AGAP1: variants seen among roughly 807,000 people sequenced by gnomAD.
The protein encoded by AGAP1 is arf-GAP with GTPase, ANK repeat and PH domain-containing protein 1.
A neutral mutation model predicts 105.3 loss-of-function variants in AGAP1; 29 were observed. The observed-to-expected ratio is 0.28, with a 90% CI of 0.21 to 0.38. The LOEUF is 0.38. Ranked by LOEUF, AGAP1 falls within the 10% of genes least tolerant of loss-of-function variation. The pLI is 1.00. For missense variants in AGAP1, 998 were observed against 1,165.1 expected (o/e 0.86, Z 2.09); for synonymous variants, 509 against 485.9 (o/e 1.05, Z -0.63).
rs1267629841 is a variant in AGAP1 at position 235,700,487 on chromosome 2, A to T, written c.164-8692A>T. Among the ~76,000 whole-genome samples, 1 of 152,154 alleles carries T rather than the reference A, an allele frequency of 6.6e-6. No homozygotes were observed. The highest frequency in any genetic ancestry group is 2.4e-5 in the African/African-American group (1 of 41,430). ...GAGGGGTATTATGAGGCACTCAGGA[A>T]TGCTTTTGAAGAAACTGTAATGAAA... is the stretch of plus-strand genomic sequence containing the variant. On this transcript the variant is annotated intron_variant, in intron 1 of 17. Transcript: ENST00000304032. The surrounding 1 kb of genome is among the most constrained non-coding windows in gnomAD (Gnocchi z 6.1).
intron 1 of AGAP1, among the ~76,000 whole-genome samples, chr2:235,594,643 C>T (rs906940900): frequency 1.3e-5 from 2 of 152,178 alleles, no homozygotes; most frequent in African/African-American, 4.8e-5. Context: ...GATGTGATCT[C>T]GGCTCGCTGC....
rs547221820 is a variant in AGAP1, at chr2:235,592,520, C to CGGCTTGT, written c.163+97675_163+97681dup. On this transcript the variant is annotated intron_variant, in intron 1 of 17. Coordinates refer to ENST00000304032, the MANE Select transcript of AGAP1 (RefSeq NM_001037131.3). ...TCATTTAGGGCTGACTCCGGGCTTG[C>CGGCTTGT]GGCTTGTGGCATGAGCTCTTGGAGG... Among the ~76,000 whole-genome samples the CGGCTTGT allele has an allele frequency of 8.7e-4, 132 of 152,224 alleles. No homozygotes were observed. In the East Asian group the frequency reaches 0.02, roughly 23 times the overall value.
intron 12 of AGAP1, 93 bp from the exon 13 acceptor site, chr2:235,968,369 G>A (rs528073929): frequency 1.9e-5 from 28 of 1,448,846 alleles, no homozygotes; most frequent in Middle Eastern, 5.1e-4. Flanking sequence ...TGGTATGAGA[G>A]GAGCGTGGCT....
chr2:235,583,553 ATTTT>A (rs763297542), intron 1 of AGAP1, among the ~76,000 whole-genome samples: 3 of 128,450 alleles, frequency 2.3e-5, no homozygotes, highest in South Asian at 2.5e-4. Flanking sequence ...TACCTGGCTA[ATTTT>A]TTTTTTTTTT....
In AGAP1 at chr2:236,123,582, T is replaced by C. The variant is rs34124418; in HGVS notation, c.2371-337T>C. On this transcript the variant is annotated intron_variant, in intron 17 of 17. Transcript: ENST00000304032. This position sits in a 1 kb window ranked among gnomAD's most constrained non-coding sequence, Gnocchi z 4.6. ...TTATGTGTTATTTGTGTATTTCCTATAATGAAAATTCTGAGATCAAAACAA... is the reference window on the plus strand; with the variant it reads ...TTATGTGTTATTTGTGTATTTCCTACAATGAAAATTCTGAGATCAAAACAA... Among the ~76,000 whole-genome samples, 19,589 of 152,194 alleles carry C rather than the reference T, an allele frequency of 0.13. 1,694 individuals are homozygous for C. Among genetic ancestry groups the C allele is most frequent in the Middle Eastern group, 0.2 (59 of 294 alleles).
In AGAP1 at chr2:235,792,102, C is replaced by T. The variant is rs533943527; in HGVS notation, c.674-5657C>T. Among the ~76,000 whole-genome samples, 23 of 152,246 alleles carry T rather than the reference C, an allele frequency of 1.5e-4. No individual in the cohort carries two copies. Among genetic ancestry groups the T allele is most frequent in the Admixed American group, 1.0e-3 (16 of 15,298 alleles). On this transcript the variant is annotated intron_variant, in intron 6 of 17. Coordinates refer to ENST00000304032, the MANE Select transcript of AGAP1 (RefSeq NM_001037131.3). The surrounding 1 kb of genome is among the most constrained non-coding windows in gnomAD (Gnocchi z 5.3). The stretch of plus-strand genomic sequence containing the variant: ...CAGTGCTTACTCGGAATTGCTCCCC[C>T]GCCTCCCAAGTTACTGGCCTCACTG...
Position 235,957,649 on chromosome 2 carries a change from A to G in AGAP1, c.1484-10813A>G, listed in dbSNP as rs1434828299. On this transcript the variant is annotated intron_variant, in intron 12 of 17. Transcript: ENST00000304032. The surrounding 1 kb of genome is among the most constrained non-coding windows in gnomAD (Gnocchi z 4.6). ...CACACTCACCTTTTAACAGAGACCC[A>G]GGATGTTGTGATTTCCTTGGATGGC... 5.9e-5 allele frequency among the ~76,000 whole-genome samples: 9 copies of G among 152,242 alleles called. No individual in the cohort carries two copies. The East Asian group carries it at 1.7e-3, about 29-fold the overall frequency.
intron 1 of AGAP1, among the ~76,000 whole-genome samples, chr2:235,510,260 C>T (rs1942016390): frequency 6.6e-6 from 1 of 152,222 alleles, no homozygotes; most frequent in South Asian, 2.1e-4. Context: ...TTCCACGAAA[C>T]CGGTCCCTGA....
At position 235,514,183 on chromosome 2, in the gene AGAP1, CAT is replaced by C. The variant is rs141414295; in HGVS notation, c.163+19336_163+19337del. On this transcript the variant is annotated intron_variant, in intron 1 of 17. Transcript: ENST00000304032. ...GCGCGCACACACACACACACACACA[CAT>C]ACCTCCTCTCAGAGAATGTTGATGT... is the stretch of plus-strand genomic sequence containing the variant. Among the ~76,000 whole-genome samples the C allele has an allele frequency of 3.3e-3, 497 of 148,558 alleles. 2 individuals carry two copies. The highest frequency in any genetic ancestry group is 0.012 in the African/African-American group (468 of 40,554).
At position 235,959,105 on chromosome 2, in the gene AGAP1, G is replaced by T. The variant is rs1330682991; in HGVS notation, c.1484-9357G>T. On this transcript the variant is annotated intron_variant, in intron 12 of 17. Coordinates refer to ENST00000304032, the MANE Select transcript of AGAP1 (RefSeq NM_001037131.3). The surrounding 1 kb of genome is among the most constrained non-coding windows in gnomAD (Gnocchi z 7.3). ...TTAGATGTGGAGTAATGAGGCGCTC[G>T]CTTTTTTAATTTGGCATGGCTTTTT... is the stretch of plus-strand genomic sequence containing the variant. Among the ~76,000 whole-genome samples, 1 of 152,174 alleles carries T rather than the reference G, an allele frequency of 6.6e-6. No homozygotes were observed. The highest frequency in any genetic ancestry group is 1.5e-5 in the Non-Finnish European group (1 of 68,026).
Position 235,931,007 on chromosome 2 carries a change from C to T in AGAP1, c.1483+84C>T. The stretch of plus-strand genomic sequence containing the variant: ...CAGGGGCTGGACAGGACGCCCTAAG[C>T]TCTCATGCTCCTCTGGGAGCGCAGC... On this transcript the variant is annotated intron_variant, in intron 12 of 17. Coordinates refer to ENST00000304032, the MANE Select transcript of AGAP1 (RefSeq NM_001037131.3). This position sits in a 1 kb window ranked among gnomAD's most constrained non-coding sequence, Gnocchi z 5.6. 1.2e-5 allele frequency: 18 copies of T among 1,478,150 alleles called. No individual in the cohort carries two copies. Among genetic ancestry groups the T allele is most frequent in the Non-Finnish European group, 1.5e-5 (17 of 1,101,618 alleles). 91.6% of individuals were successfully genotyped at this position (1,478,150 alleles called of 1,614,324 possible).
At chr2:235,935,353 T>G (rs1358814146) in intron 12 of AGAP1, among the ~76,000 whole-genome samples, 1 of 152,202 alleles carries the variant, frequency 6.6e-6, no homozygotes, top group African/African-American at 2.4e-5. Context: ...AGAAACATAT[T>G]CATCTTGAGC....
chr2:235,519,771 A>ATAT (rs1942546417), intron 1 of AGAP1, among the ~76,000 whole-genome samples: 1 of 151,946 alleles, frequency 6.6e-6, no homozygotes, highest in Non-Finnish European at 1.5e-5. Flanking sequence ...CCACCTACCA[A>ATAT]TATTATTATT....
intron 4 of AGAP1, among the ~76,000 whole-genome samples, chr2:235,742,076 G>A (rs1442813046): frequency 6.6e-6 from 1 of 152,164 alleles, no homozygotes; most frequent in South Asian, 2.1e-4. Context: ...CAAAGGAGCC[G>A]AGAGCTGGTA....
rs1248753349 is a variant in AGAP1 at position 236,123,956 on chromosome 2, A to G, written c.2408A>G (p.Asn803Ser). Residue 803 changes from asparagine to serine, a missense_variant, in exon 18 of 18, where the codon AAC becomes AGC. Asn to Ser is a conservative substitution (Grantham distance 46). This residue lies in a region of AGAP1 where 235 missense variants were observed against 270.7 expected (regional missense o/e 0.87). Coordinates refer to ENST00000304032, the MANE Select transcript of AGAP1 (RefSeq NM_001037131.3). This position sits in a 1 kb window ranked among gnomAD's most constrained non-coding sequence, Gnocchi z 4.6. ...GTCACGGCCCGAGATGCCCACGGGA[A>G]CACAGCTCTGGCCTACGCCCGGCAG... ...VDVTARDAHGNTALAYARQAS... is the reference protein window; with the variant it reads ...VDVTARDAHGSTALAYARQAS... 6.2e-7 allele frequency: 1 copy of G among 1,613,624 alleles called. No individual in the cohort carries two copies. The highest frequency in any genetic ancestry group is 1.7e-5 in the Admixed American group (1 of 59,994).
chr2:235,862,268 A>T (rs2048958049), intron 9 of AGAP1, among the ~76,000 whole-genome samples: 1 of 152,212 alleles, frequency 6.6e-6, no homozygotes, highest in African/African-American at 2.4e-5. Flanking sequence ...TCGGGATGGT[A>T]TTCAAATTTC....
intron 6 of AGAP1, among the ~76,000 whole-genome samples, chr2:235,770,928 A>C (rs552792688): frequency 6.6e-6 from 1 of 152,328 alleles, no homozygotes; most frequent in East Asian, 1.9e-4. Context: ...GATGTGGTTA[A>C]GAATCTTGAA....
At chr2:235,532,240 A>G (rs1023010165) in intron 1 of AGAP1, among the ~76,000 whole-genome samples, 1 of 152,124 alleles carries the variant, frequency 6.6e-6, no homozygotes, top group Admixed American at 6.6e-5. Flanking sequence ...TTTTTCTAAG[A>G]CAAAGTCTCT....
chr2:235,608,600 A>G lies in AGAP1; in HGVS notation c.164-100579A>G, dbSNP rs1336427539. On this transcript the variant is annotated intron_variant, in intron 1 of 17. Coordinates refer to ENST00000304032, the MANE Select transcript of AGAP1 (RefSeq NM_001037131.3). This position sits in a 1 kb window ranked among gnomAD's most constrained non-coding sequence, Gnocchi z 5.4. ...GGACACTGGGGAGCCGATGATGCCCAGAGTGTCTGGGGGACGCATCCAGGG... is the reference window on the plus strand; with the variant it reads ...GGACACTGGGGAGCCGATGATGCCCGGAGTGTCTGGGGGACGCATCCAGGG... Among the ~76,000 whole-genome samples, 1 of 152,178 alleles carries G rather than the reference A, an allele frequency of 6.6e-6. No individual in the cohort carries two copies. The highest frequency in any genetic ancestry group is 1.5e-5 in the Non-Finnish European group (1 of 68,032).
Sources: allele counts gnomAD v4.1 joint callset (sites outside exome capture counted in the v4.1 genomes callset), GRCh38; gene constraint gnomAD v4.1.1; regional missense constraint gnomAD v4.1.1; non-coding constraint Gnocchi (gnomAD v3.1); transcripts MANE v1.5; gene names NCBI Gene and HGNC (gene_info 2026-07-23, HGNC 2026-07-21).